Variants in ELP4 observed in about 807,000 individuals in gnomAD.
ELP4 encodes the protein elongator complex protein 4.
Under a neutral mutation model 48.9 loss-of-function variants are expected in ELP4, and 51 were observed. The ratio of observed to expected loss-of-function variants is 1.04; its 90% CI spans 0.83 to 1.32. The LOEUF is 1.32. Among genes scored for constraint, ELP4 ranks in the 40% most tolerant of loss-of-function variants. ELP4 has a pLI of 0.00. For missense variants in ELP4, 519 were observed against 514.6 expected, an observed-to-expected ratio of 1.01 and a Z score of -0.08; for synonymous variants, 210 against 189.2, an observed-to-expected ratio of 1.11 and a Z score of -0.90.
chr11:31,667,331 A>G (rs1290098573), intron 9 of ELP4, among the ~76,000 whole-genome samples: 2 of 152,188 alleles, frequency 1.3e-5, no homozygotes, highest in African/African-American at 4.8e-5. Context: ...AATCTTATGA[A>G]GCAGTAGTAT....
At chr11:31,625,160 G>C (rs972568846) in intron 5 of ELP4, among the ~76,000 whole-genome samples, 4 of 151,322 alleles carry the variant, frequency 2.6e-5, no homozygotes, top group African/African-American at 4.9e-5. Context: ...AGGACAGTTT[G>C]TTTACACAAG....
At chr11:31,601,542 G>T (rs777180533) in intron 4 of ELP4, among the ~76,000 whole-genome samples, 3 of 152,002 alleles carry the variant, frequency 2.0e-5, no homozygotes, top group Non-Finnish European at 2.9e-5. Flanking sequence ...TTTCTGCCTT[G>T]ATTCATTCCA....
chr11:31,549,568 A>T (rs1220080047), intron 3 of ELP4, among the ~76,000 whole-genome samples: 3 of 151,904 alleles, frequency 2.0e-5, no homozygotes, highest in East Asian at 1.9e-4. Context: ...CCATTGTGGA[A>T]GTCAGTGTGG....
chr11:31,709,633 T>G (rs545729112), intron 9 of ELP4, among the ~76,000 whole-genome samples: 13 of 152,288 alleles, frequency 8.5e-5, no homozygotes, highest in Non-Finnish European at 1.3e-4. Flanking sequence ...GTATCTTAGT[T>G]TGACTCTACG....
At position 31,527,660 on chromosome 11, in the gene ELP4, A is replaced by G. The variant is rs529115928; in HGVS notation, c.259+7569A>G. ...CTTCATCTTTGCTGCCACTACCCCA[A>G]TTCAGGCCATAATCAATAACCTCAC... On this transcript the variant is annotated intron_variant, in intron 2 of 9. Coordinates refer to ENST00000640961, the MANE Select transcript of ELP4 (RefSeq NM_019040.5). Among the ~76,000 whole-genome samples the G allele has an allele frequency of 5.7e-4, 86 of 152,118 alleles. 1 individual carries two copies. Among genetic ancestry groups the G allele is most frequent in the Admixed American group, 3.2e-3 (49 of 15,268 alleles).
intron 3 of ELP4, among the ~76,000 whole-genome samples, chr11:31,591,633 A>G (rs7103947): frequency 0.02 from 3,014 of 152,226 alleles, 94 homozygotes; most frequent in African/African-American, 0.068. Flanking sequence ...TATAGAATAA[A>G]TGGAACCCAC....
At chr11:31,677,787 C>G (rs576304783) in intron 9 of ELP4, among the ~76,000 whole-genome samples, 2 of 152,138 alleles carry the variant, frequency 1.3e-5, no homozygotes, top group African/African-American at 4.8e-5. Context: ...CCTCAGTTTC[C>G]CCTATTATTA....
intron 9 of ELP4, among the ~76,000 whole-genome samples, chr11:31,756,964 C>G (rs995809492): frequency 2.0e-5 from 3 of 152,154 alleles, no homozygotes; most frequent in Non-Finnish European, 4.4e-5. Context: ...TCATTGTAAC[C>G]ATCAGAGAAT....
intron 9 of ELP4, among the ~76,000 whole-genome samples, chr11:31,726,443 T>A (rs1315672252): frequency 6.6e-6 from 1 of 152,150 alleles, no homozygotes; most frequent in African/African-American, 2.4e-5. Context: ...GTAAGCAATA[T>A]TGGGATCATT....
At chr11:31,753,979 G>A (rs1592282864) in intron 9 of ELP4, among the ~76,000 whole-genome samples, 1 of 152,006 alleles carries the variant, frequency 6.6e-6, no homozygotes, top group East Asian at 1.9e-4. Context: ...ATGTTAGAAG[G>A]CAATAAAGTT....
In ELP4 at chr11:31,603,923, A is replaced by G. The variant is rs558663574; in HGVS notation, c.653+16A>G. 1 of 1,597,648 alleles carries G rather than the reference A, an allele frequency of 6.3e-7. No homozygotes were observed. The highest frequency in any genetic ancestry group is 1.3e-5 in the African/African-American group (1 of 74,366). The stretch of plus-strand genomic sequence containing the variant: ...TAGAACCCTGGTAAGTTAATGACCC[A>G]TTTAATAACAAAATCTGATTTCAAA... On this transcript the variant is annotated intron_variant, in intron 5 of 9. Coordinates refer to ENST00000640961, the MANE Select transcript of ELP4 (RefSeq NM_019040.5).
chr11:31,552,154 C>T (rs534134584), intron 3 of ELP4, among the ~76,000 whole-genome samples: 2 of 152,202 alleles, frequency 1.3e-5, no homozygotes, highest in Admixed American at 1.3e-4. Flanking sequence ...AGGATACTAC[C>T]TTCTTGGTGT....
chr11:31,594,772 A>T lies in ELP4; in HGVS notation c.384A>T (p.Glu128Asp). 6.7e-7 allele frequency: 1 copy of T among 1,490,936 alleles called. No individual in the cohort carries two copies. Among genetic ancestry groups the T allele is most frequent in the Non-Finnish European group, 8.9e-7 (1 of 1,127,644 alleles). 92.4% of individuals were successfully genotyped at this position (1,490,936 alleles called of 1,614,324 possible). A position where few individuals can be genotyped will look rare whatever the true frequency, so the allele number is the denominator to read the frequency against. The part of the protein sequence containing the change: ...AKEDPANILQ[E>D]LPAPLLDDKC... ...TATGTGTCATTTTGTTTTCTTAGGAACTTCCAGCACCATTACTTGATGATA... is the reference window on the plus strand; with the variant it reads ...TATGTGTCATTTTGTTTTCTTAGGATCTTCCAGCACCATTACTTGATGATA... The change falls in exon 4 of 10, where the codon GAA (glutamate) becomes GAT (aspartate). Residue 128 changes from glutamate to aspartate, a missense_variant and splice_region_variant. Transcript: ENST00000640961.
chr11:31,597,514 G>A (rs1214313964), intron 4 of ELP4, among the ~76,000 whole-genome samples: 1 of 152,098 alleles, frequency 6.6e-6, no homozygotes, highest in Non-Finnish European at 1.5e-5. Flanking sequence ...TTTGATTCTG[G>A]CAGATTCATT....
intron 9 of ELP4, among the ~76,000 whole-genome samples, chr11:31,678,928 A>C (rs1469093868): frequency 6.6e-6 from 1 of 152,106 alleles, no homozygotes. Flanking sequence ...TGGTGTTATC[A>C]GTGTTTTTGG....
At chr11:31,632,112 G>A in intron 6 of ELP4, 105 bp from the exon 7 acceptor site, 2 of 888,132 alleles carry the variant, frequency 2.3e-6, no homozygotes, top group Non-Finnish European at 3.3e-6. Context: ...CACATCTATT[G>A]ACATTGTCTC....
intron 7 of ELP4, among the ~76,000 whole-genome samples, chr11:31,638,953 A>G (rs1317205261): frequency 6.6e-6 from 1 of 151,940 alleles, no homozygotes; most frequent in Non-Finnish European, 1.5e-5. Context: ...GTTTACAGCT[A>G]TAAATTTTGG....
At chr11:31,783,277 G>A in intron 9 of ELP4, 116 bp from the exon 10 acceptor site, 1 of 879,466 alleles carries the variant, frequency 1.1e-6, no homozygotes, top group South Asian at 2.1e-5. Context: ...TTATATGCAA[G>A]TCTAAATGCT....
chr11:31,631,872 C>T (rs1944868754), intron 6 of ELP4, among the ~76,000 whole-genome samples: 1 of 151,938 alleles, frequency 6.6e-6, no homozygotes. Flanking sequence ...AAGGGGTTTG[C>T]AAGCATTCTA....
Sources: gnomAD v4.1 joint callset for allele counts (sites outside exome capture counted in the v4.1 genomes callset) on GRCh38, gnomAD v4.1.1 for gene constraint, MANE v1.5 for transcripts, NCBI Gene and HGNC (gene_info 2026-07-23, HGNC 2026-07-21) for gene names.